Variants in HECW1 observed in about 807,000 individuals in gnomAD.
HECW1 encodes the protein HECT, C2 and WW domain containing E3 ubiquitin protein ligase 1.
A neutral mutation model predicts 182.3 loss-of-function variants in HECW1; 61 were observed. The ratio of observed to expected loss-of-function variants is 0.33; its 90% CI spans 0.27 to 0.41. HECW1 has a LOEUF of 0.41. Ranked by LOEUF, HECW1 falls within the 10% of genes least tolerant of loss-of-function variation. The pLI is 1.00. For synonymous variants in HECW1, 859 were observed against 832.6 expected (o/e 1.03, Z -0.55); for missense variants, 1,739 against 2,108.9 (o/e 0.82, Z 3.44).
intron 24 of HECW1, among the ~76,000 whole-genome samples, chr7:43,534,601 C>G (rs184467955): frequency 8.2e-4 from 125 of 152,306 alleles, no homozygotes; most frequent in African/African-American, 2.9e-3. Context: ...AGCAATTAAC[C>G]TAGTCAAACA....
chr7:43,447,844 G>T (rs191914545), intron 11 of HECW1, among the ~76,000 whole-genome samples: 1 of 152,132 alleles, frequency 6.6e-6, no homozygotes, highest in Admixed American at 6.5e-5. Flanking sequence ...TGCATTAGAC[G>T]GCTGGGTGTG....
At chr7:43,384,425 G>T (rs1256490236) in intron 6 of HECW1, among the ~76,000 whole-genome samples, 1 of 152,182 alleles carries the variant, frequency 6.6e-6, no homozygotes, top group Non-Finnish European at 1.5e-5. Flanking sequence ...CCCCAAGATG[G>T]CGGTGTGCCT....
At chr7:43,417,074 G>A (rs969798174) in intron 8 of HECW1, among the ~76,000 whole-genome samples, 8 of 152,188 alleles carry the variant, frequency 5.3e-5, no homozygotes, top group Admixed American at 2.6e-4. Flanking sequence ...TTTTGAGGCG[G>A]AGTTTCACTC....
chr7:43,322,189 C>A (rs190683073), intron 5 of HECW1, among the ~76,000 whole-genome samples: 1 of 152,316 alleles, frequency 6.6e-6, no homozygotes. Flanking sequence ...GCTGACTCAG[C>A]CTCCCGCGTA....
At chr7:43,446,729 A>G (rs2077068004) in intron 11 of HECW1, among the ~76,000 whole-genome samples, 1 of 152,216 alleles carries the variant, frequency 6.6e-6, no homozygotes, top group Non-Finnish European at 1.5e-5. Context: ...AAGGTGGCAC[A>G]TGCAATAATG....
At chr7:43,507,050 A>T in intron 21 of HECW1, 87 bp from the exon 22 acceptor site, 1 of 1,484,214 alleles carries the variant, frequency 6.7e-7, no homozygotes, top group South Asian at 1.3e-5. Flanking sequence ...AGCCTGGGCA[A>T]CAGAGCGAGA....
chr7:43,267,871 T>G (rs1801965610), intron 3 of HECW1, among the ~76,000 whole-genome samples: 1 of 152,148 alleles, frequency 6.6e-6, no homozygotes, highest in South Asian at 2.1e-4. Context: ...GTAGAAAATT[T>G]CAAAACACTG....
intron 2 of HECW1, among the ~76,000 whole-genome samples, chr7:43,205,915 C>T (rs567378620): frequency 1.3e-5 from 2 of 152,308 alleles, no homozygotes; most frequent in African/African-American, 4.8e-5. Flanking sequence ...AGCTGGGCCC[C>T]ATCTTCCTTC....
chr7:43,286,883 A>G (rs1804706051), intron 3 of HECW1, among the ~76,000 whole-genome samples: 1 of 152,234 alleles, frequency 6.6e-6, no homozygotes, highest in Non-Finnish European at 1.5e-5. Context: ...AGTTGTCCAT[A>G]CTAATGAAAT....
At chr7:43,542,572 C>T (rs1007704756) in intron 26 of HECW1, among the ~76,000 whole-genome samples, 1 of 150,860 alleles carries the variant, frequency 6.6e-6, no homozygotes, top group Non-Finnish European at 1.5e-5. Context: ...TTTCTTTATC[C>T]ATTCACCCAT....
chr7:43,138,215 G>T (rs1156705484), intron 2 of HECW1, among the ~76,000 whole-genome samples: 1 of 152,224 alleles, frequency 6.6e-6, no homozygotes, highest in Non-Finnish European at 1.5e-5. Context: ...CTGCTGCCCG[G>T]ACTGGCATAA....
intron 3 of HECW1, among the ~76,000 whole-genome samples, chr7:43,273,726 A>C (rs1327384244): frequency 6.6e-6 from 1 of 152,230 alleles, no homozygotes; most frequent in African/African-American, 2.4e-5. Flanking sequence ...AAAATGTTGA[A>C]GTTTTGTAAG....
chr7:43,175,578 CA>C (rs1300035384), intron 2 of HECW1, among the ~76,000 whole-genome samples: 1 of 152,116 alleles, frequency 6.6e-6, no homozygotes. Flanking sequence ...TGTGAATTTC[CA>C]GATGAAAGAC....
chr7:43,301,685 C>A (rs887430080), intron 3 of HECW1, among the ~76,000 whole-genome samples: 2 of 152,056 alleles, frequency 1.3e-5, no homozygotes, highest in African/African-American at 4.8e-5. Context: ...CCAGCCTGGC[C>A]AACATGGTGA....
rs180835614 is a variant in HECW1, at chr7:43,507,752, T to C, written c.3753-266T>C. 4.8e-3 allele frequency among the ~76,000 whole-genome samples: 738 copies of C among 152,354 alleles called. 6 individuals are homozygous for C. Among genetic ancestry groups the C allele is most frequent in the South Asian group, 5.8e-3 (28 of 4,834 alleles). On this transcript the variant is annotated intron_variant, in intron 22 of 29. Coordinates refer to ENST00000395891, the MANE Select transcript of HECW1 (RefSeq NM_015052.5). ...CTCAGGAATCTTAAGCAATATCCTA[T>C]GAGTTGATCAAAATGAATTATCTTA...
At chr7:43,250,258 G>A (rs911466686) in intron 3 of HECW1, among the ~76,000 whole-genome samples, 8 of 152,138 alleles carry the variant, frequency 5.3e-5, no homozygotes, top group Non-Finnish European at 7.4e-5. Context: ...GCAGCCTCAT[G>A]AACTACTCTG....
intron 5 of HECW1, among the ~76,000 whole-genome samples, chr7:43,355,972 A>G (rs1447242139): frequency 1.3e-5 from 2 of 151,794 alleles, no homozygotes; most frequent in Non-Finnish European, 2.9e-5. Flanking sequence ...CTGGCAACAG[A>G]GCAAGACTCC....
At chr7:43,318,209 G>A (rs915071187) in intron 4 of HECW1, among the ~76,000 whole-genome samples, 32 of 152,100 alleles carry the variant, frequency 2.1e-4, no homozygotes, top group Admixed American at 3.9e-4. Flanking sequence ...AGAAATTCGG[G>A]GAAATACTAT....
intron 6 of HECW1, among the ~76,000 whole-genome samples, chr7:43,378,481 C>G (rs2074412606): frequency 1.3e-5 from 2 of 152,342 alleles, no homozygotes; most frequent in Admixed American, 1.3e-4. Flanking sequence ...ATTGTCCTGT[C>G]AGACATCCCA....
Sources: allele counts gnomAD v4.1 joint callset (sites outside exome capture counted in the v4.1 genomes callset), GRCh38; gene constraint gnomAD v4.1.1; transcripts MANE v1.5; gene names NCBI Gene and HGNC (gene_info 2026-07-23, HGNC 2026-07-21).